FHIT: variants seen among roughly 807,000 people sequenced by gnomAD.
The protein encoded by FHIT is fragile histidine triad diadenosine triphosphatase.
FHIT carries 19 observed loss-of-function variants against 17.9 expected under a neutral mutation model. That is an observed-to-expected ratio of 1.06 (90% CI 0.74 to 1.56). FHIT has a LOEUF of 1.56. Among genes scored for constraint, FHIT ranks in the 40% most tolerant of loss-of-function variants. The probability of loss-of-function intolerance (pLI) is 0.00; values close to 1 mark genes in which losing one functional copy is unlikely to be tolerated. For missense variants in FHIT, 248 were observed against 189.2 expected (o/e 1.31, Z -1.82); for synonymous variants, 81 against 69.7 (o/e 1.16, Z -0.81).
At position 60,071,298 on chromosome 3, in the gene FHIT, T is replaced by G. The variant is rs537939487; in HGVS notation, c.104-57146A>C. Among the ~76,000 whole-genome samples the G allele has an allele frequency of 2.6e-5, 4 of 152,358 alleles. No homozygotes were observed. In the South Asian group the frequency reaches 8.3e-4, roughly 32 times the overall value. On this transcript the variant is annotated intron_variant, in intron 5 of 9. Coordinates refer to ENST00000492590, the MANE Select transcript of FHIT (RefSeq NM_002012.4). ...CATAATTTTCTACACAGCTTATATG[T>G]TGAAATCATACTATTTTAGATATAT...
At chr3:60,724,664 T>G (rs868908854) in intron 4 of FHIT, among the ~76,000 whole-genome samples, 73 of 149,866 alleles carry the variant, frequency 4.9e-4, no homozygotes, top group South Asian at 1.9e-3. Flanking sequence ...TTTTTTGTTT[T>G]TTTTTTTTTT....
At chr3:60,136,261 C>T (rs1699814323) in intron 5 of FHIT, among the ~76,000 whole-genome samples, 2 of 151,830 alleles carry the variant, frequency 1.3e-5, no homozygotes, top group Admixed American at 1.3e-4. Context: ...AGGTTACTTC[C>T]CAGCTGCCAT....
intron 3 of FHIT, among the ~76,000 whole-genome samples, chr3:60,878,736 G>A (rs545334208): frequency 7.2e-5 from 11 of 152,052 alleles, no homozygotes; most frequent in South Asian, 4.2e-4. Context: ...GAGAACACGC[G>A]GTGTTTGGTT....
intron 3 of FHIT, among the ~76,000 whole-genome samples, chr3:61,027,568 C>T (rs1011140017): frequency 3.9e-5 from 6 of 152,160 alleles, no homozygotes; most frequent in Non-Finnish European, 7.3e-5. Context: ...AATATCATTT[C>T]GTTGACTTGA....
chr3:60,718,837 G>A (rs2041745150), intron 4 of FHIT, among the ~76,000 whole-genome samples: 1 of 152,136 alleles, frequency 6.6e-6, no homozygotes, highest in Non-Finnish European at 1.5e-5. Flanking sequence ...GAGCCCTTCT[G>A]TACTAATGTG....
chr3:59,904,645 G>A (rs527603767), intron 8 of FHIT, among the ~76,000 whole-genome samples: 15 of 152,280 alleles, frequency 9.9e-5, no homozygotes, highest in East Asian at 9.7e-4. Context: ...GCTTGTACCC[G>A]TGTTTGGTGG....
intron 4 of FHIT, among the ~76,000 whole-genome samples, chr3:60,542,587 T>C (rs968284816): frequency 1.3e-5 from 2 of 152,210 alleles, no homozygotes; most frequent in African/African-American, 2.4e-5. Context: ...CCAATTCATA[T>C]ACTTTGTCCT....
chr3:60,025,752 G>C (rs1394537584), intron 5 of FHIT, among the ~76,000 whole-genome samples: 1 of 148,144 alleles, frequency 6.8e-6, no homozygotes, highest in Non-Finnish European at 1.5e-5. Flanking sequence ...AAAAAAAAGA[G>C]AGAGTGAAAA....
intron 5 of FHIT, among the ~76,000 whole-genome samples, chr3:60,084,545 G>C (rs1450843364): frequency 6.6e-6 from 1 of 152,112 alleles, no homozygotes; most frequent in Non-Finnish European, 1.5e-5. Context: ...GTACATGAAG[G>C]AGAGATGGCA....
intron 5 of FHIT, among the ~76,000 whole-genome samples, chr3:60,044,413 G>A (rs1393094297): frequency 6.6e-6 from 1 of 152,120 alleles, no homozygotes. Flanking sequence ...ATCACTCAAC[G>A]CATTTTCAGC....
intron 5 of FHIT, among the ~76,000 whole-genome samples, chr3:60,500,105 C>T (rs2034462911): frequency 1.3e-5 from 2 of 152,286 alleles, no homozygotes; most frequent in Non-Finnish European, 2.9e-5. Flanking sequence ...AACTCTGTGT[C>T]TAATTTGAGG....
At chr3:60,666,765 T>C (rs550919536) in intron 4 of FHIT, among the ~76,000 whole-genome samples, 2 of 152,216 alleles carry the variant, frequency 1.3e-5, no homozygotes, top group African/African-American at 2.4e-5. Context: ...CTTGACCTCA[T>C]AGGTGCAAGA....
chr3:59,779,672 C>A (rs1363825051), intron 8 of FHIT, among the ~76,000 whole-genome samples: 1 of 151,956 alleles, frequency 6.6e-6, no homozygotes, highest in Non-Finnish European at 1.5e-5. Context: ...TACACTGATC[C>A]GGGCATACGA....
intron 2 of FHIT, among the ~76,000 whole-genome samples, chr3:61,105,111 G>A (rs2035952035): frequency 6.6e-6 from 1 of 152,158 alleles, no homozygotes; most frequent in South Asian, 2.1e-4. Flanking sequence ...TACTGGAGAA[G>A]TGATGTGATT....
At chr3:61,144,065 A>G (rs2037161759) in intron 2 of FHIT, among the ~76,000 whole-genome samples, 1 of 152,192 alleles carries the variant, frequency 6.6e-6, no homozygotes, top group South Asian at 2.1e-4. Context: ...TACAAACCAT[A>G]AAATTCACCC....
In FHIT at chr3:59,943,697, T is replaced by C. The variant is rs373567568; in HGVS notation, c.280-21283A>G. 1.7e-4 allele frequency among the ~76,000 whole-genome samples: 26 copies of C among 152,284 alleles called. No homozygotes were observed. In the South Asian group the frequency reaches 5.2e-3, roughly 30 times the overall value. On this transcript the variant is annotated intron_variant, in intron 7 of 9. Coordinates refer to ENST00000492590, the MANE Select transcript of FHIT (RefSeq NM_002012.4). Reference sequence around the variant, plus strand: ...GAGTGGAAGAAAGAACATATTTGACTCTACCATGGAAATTCTTCTATACCT... The same window carrying C: ...GAGTGGAAGAAAGAACATATTTGACCCTACCATGGAAATTCTTCTATACCT...
intron 5 of FHIT, among the ~76,000 whole-genome samples, chr3:60,038,692 G>A (rs200681570): frequency 0.054 from 5,159 of 94,968 alleles, 313 homozygotes; most frequent in African/African-American, 0.18. Context: ...AAAGTTGCTC[G>A]CTACTGATAA....
chr3:59,938,760 T>G (rs991667658), intron 7 of FHIT, among the ~76,000 whole-genome samples: 2 of 152,146 alleles, frequency 1.3e-5, no homozygotes, highest in East Asian at 3.9e-4. Context: ...CAAAATAAGT[T>G]TGAAAATATA....
At chr3:60,860,271 G>T (rs1703624652) in intron 3 of FHIT, among the ~76,000 whole-genome samples, 1 of 137,040 alleles carries the variant, frequency 7.3e-6, no homozygotes, top group Non-Finnish European at 1.6e-5. Context: ...ATGTATACAT[G>T]AGATACATCA....
Sources: gnomAD v4.1 joint callset for allele counts (sites outside exome capture counted in the v4.1 genomes callset) on GRCh38, gnomAD v4.1.1 for gene constraint, MANE v1.5 for transcripts, NCBI Gene and HGNC (gene_info 2026-07-23, HGNC 2026-07-21) for gene names.